Variants in TMEM135 observed in about 807,000 individuals in gnomAD.
TMEM135 encodes transmembrane protein 135, also known as peroxisomal membrane protein 52.
A neutral mutation model predicts 60.3 loss-of-function variants in TMEM135; 30 were observed. The observed-to-expected ratio is 0.50, with a 90% confidence interval of 0.37 to 0.68. TMEM135 has a LOEUF of 0.68. Among genes scored for constraint, TMEM135 ranks in the 30% least tolerant of loss-of-function variants. The pLI is 0.00. For missense variants in TMEM135, 468 were observed against 548.8 expected (o/e 0.85, Z 1.47); for synonymous variants, 190 against 186.7 (o/e 1.02, Z -0.14).
chr11:87,303,761 A>G (rs1942487977), intron 8 of TMEM135, among the ~76,000 whole-genome samples: 1 of 152,222 alleles, frequency 6.6e-6, no homozygotes, highest in South Asian at 2.1e-4. Context: ...TTCAAAAATA[A>G]TTTTGGGTTA....
At chr11:87,144,557 A>C (rs1489307809) in intron 4 of TMEM135, among the ~76,000 whole-genome samples, 1 of 152,220 alleles carries the variant, frequency 6.6e-6, no homozygotes, top group Non-Finnish European at 1.5e-5. Context: ...TGGTAATGTA[A>C]ACTGCTGTTT....
intron 5 of TMEM135, among the ~76,000 whole-genome samples, chr11:87,200,098 G>A (rs1242495385): frequency 6.6e-6 from 1 of 152,056 alleles, no homozygotes; most frequent in Admixed American, 6.5e-5. Context: ...AGCTCTCATT[G>A]AAATTATAAT....
chr11:87,126,806 G>A (rs1409018211), intron 4 of TMEM135, among the ~76,000 whole-genome samples: 1 of 152,052 alleles, frequency 6.6e-6, no homozygotes, highest in African/African-American at 2.4e-5. Context: ...GTAGGTGTAT[G>A]TACTGTATGT....
intron 5 of TMEM135, among the ~76,000 whole-genome samples, chr11:87,204,853 G>A (rs1940200554): frequency 1.3e-5 from 2 of 152,098 alleles, no homozygotes; most frequent in Admixed American, 1.3e-4. Flanking sequence ...TACTCATGTT[G>A]TTCAAGGGTC....
intron 6 of TMEM135, among the ~76,000 whole-genome samples, chr11:87,254,599 G>T (rs529532916): frequency 5.3e-5 from 8 of 152,250 alleles, no homozygotes; most frequent in Non-Finnish European, 1.0e-4. Context: ...ACCTATAAAT[G>T]AATCTATAAA....
At chr11:87,264,578 T>G (rs1941714454) in intron 6 of TMEM135, among the ~76,000 whole-genome samples, 1 of 151,908 alleles carries the variant, frequency 6.6e-6, no homozygotes, top group Non-Finnish European at 1.5e-5. Context: ...GATCACTTTT[T>G]CTTATGAAAT....
intron 6 of TMEM135, among the ~76,000 whole-genome samples, chr11:87,285,436 A>G (rs565545833): frequency 6.6e-6 from 1 of 152,136 alleles, no homozygotes; most frequent in Non-Finnish European, 1.5e-5. Context: ...GGATGTGTTC[A>G]GAGTTTCTTC....
At chr11:87,288,065 C>T (rs1046586728) in intron 6 of TMEM135, among the ~76,000 whole-genome samples, 1 of 152,080 alleles carries the variant, frequency 6.6e-6, no homozygotes, top group African/African-American at 2.4e-5. Context: ...TCCTGCATGC[C>T]TCTTAACTCA....
In TMEM135 at chr11:87,061,184, A is replaced by G. The variant is rs536651652; in HGVS notation, c.142-6510A>G. ...ATAAAATAAAAATTCTGGAACTAAC[A>G]TATTCAAAATATATAAATTCATTAT... On this transcript the variant is annotated intron_variant, in intron 1 of 14. Coordinates refer to ENST00000305494, the MANE Select transcript of TMEM135 (RefSeq NM_022918.4). Among the ~76,000 whole-genome samples, 4 of 152,352 alleles carry G rather than the reference A, an allele frequency of 2.6e-5. No individual in the cohort carries two copies. In the South Asian group the frequency reaches 6.2e-4, roughly 24 times the overall value.
At position 87,325,113 on chromosome 11, in the gene TMEM135, T is replaced by C. The variant is rs1170226604; in HGVS notation, c.*3780T>C. 2 of 453,608 alleles carry C rather than the reference T, an allele frequency of 4.4e-6. No individual in the cohort carries two copies. The highest frequency in any genetic ancestry group is 8.8e-6 in the Non-Finnish European group (2 of 226,776). 28.1% of individuals were successfully genotyped at this position (453,608 alleles called of 1,614,324 possible). A position where few individuals can be genotyped will look rare whatever the true frequency, so the allele number is the denominator to read the frequency against. On this transcript the variant is annotated 3_prime_UTR_variant, in exon 15 of 15. Transcript: ENST00000305494. ...TGTGGAATTAACAAAGAAAGGAGTG[T>C]CAAGGACTGAGATGACCCTCAGATT...
chr11:87,183,495 G>A (rs1939572685), intron 5 of TMEM135, among the ~76,000 whole-genome samples: 1 of 151,760 alleles, frequency 6.6e-6, no homozygotes, highest in South Asian at 2.1e-4. Context: ...TAAAGTTAAA[G>A]GTAAGTTAAA....
At chr11:87,063,973 G>T (rs1242578003) in intron 1 of TMEM135, among the ~76,000 whole-genome samples, 1 of 152,178 alleles carries the variant, frequency 6.6e-6, no homozygotes, top group Non-Finnish European at 1.5e-5. Flanking sequence ...GAATGGAATT[G>T]CTGAGTTATG....
At chr11:87,259,151 C>G in intron 6 of TMEM135, 2 of 654,322 alleles carry the variant, frequency 3.1e-6, no homozygotes, top group Non-Finnish European at 5.6e-6. Flanking sequence ...CCGACCAGGT[C>G]TCATCTAGCT....
chr11:87,257,781 T>C (rs1427355889), intron 6 of TMEM135, among the ~76,000 whole-genome samples: 1 of 152,016 alleles, frequency 6.6e-6, no homozygotes, highest in African/African-American at 2.4e-5. Context: ...GAAAATGTTC[T>C]AAAAGTAATT....
At chr11:87,250,162 T>G (rs370443371) in intron 6 of TMEM135, among the ~76,000 whole-genome samples, 10 of 152,290 alleles carry the variant, frequency 6.6e-5, no homozygotes, top group African/African-American at 2.4e-4. Flanking sequence ...TGAATCGCAC[T>G]GTCTCCTTTT....
At chr11:87,246,694 C>T (rs1426026001) in intron 6 of TMEM135, among the ~76,000 whole-genome samples, 1 of 143,882 alleles carries the variant, frequency 7.0e-6, no homozygotes. Flanking sequence ...CCTTGGCTTT[C>T]AGCTCCATCA....
intron 6 of TMEM135, among the ~76,000 whole-genome samples, chr11:87,248,948 A>G (rs985218008): frequency 2.6e-5 from 4 of 152,264 alleles, no homozygotes; most frequent in Admixed American, 6.5e-5. Context: ...TGATTTTAGT[A>G]TGTTGATTTG....
intron 5 of TMEM135, among the ~76,000 whole-genome samples, chr11:87,185,166 A>G (rs1296344992): frequency 6.6e-6 from 1 of 152,168 alleles, no homozygotes; most frequent in Non-Finnish European, 1.5e-5. Flanking sequence ...CTCTCCTTTT[A>G]AAAATATAAA....
At chr11:87,208,496 G>A (rs941111171) in intron 5 of TMEM135, among the ~76,000 whole-genome samples, 6 of 151,574 alleles carry the variant, frequency 4.0e-5, no homozygotes, top group African/African-American at 9.7e-5. Context: ...CTTTAAGCAC[G>A]CATGCAGATA....
Sources: gnomAD v4.1 joint callset for allele counts (sites outside exome capture counted in the v4.1 genomes callset) on GRCh38, gnomAD v4.1.1 for gene constraint, MANE v1.5 for transcripts, NCBI Gene and HGNC (gene_info 2026-07-23, HGNC 2026-07-21) for gene names.